The following ZNF568 variants were observed in gnomAD, a reference collection of about 807,000 sequenced individuals.
ZNF568 encodes the protein zinc finger protein 568, also known as p53 inhibitor of SCO2 activation.
In ZNF568, 11 loss-of-function variants were observed where a neutral mutation model predicts 18.1. The ratio of observed to expected loss-of-function variants is 0.61; its 90% CI spans 0.38 to 1.00. ZNF568 has a LOEUF of 1.00. Among genes scored for constraint, ZNF568 ranks in the 50% least tolerant of loss-of-function variants. The pLI is 0.01. For synonymous variants in ZNF568, 213 were observed against 246.6 expected (o/e 0.86, Z 1.28); for missense variants, 639 against 768.2 (o/e 0.83, Z 1.99).
chr19:36,930,038 A>G (rs1431397784), intron 4 of ZNF568, among the ~76,000 whole-genome samples: 1 of 150,960 alleles, frequency 6.6e-6, no homozygotes, highest in Non-Finnish European at 1.5e-5. Context: ...TCGAACCCCT[A>G]TGTTTCTTGC....
intron 3 of ZNF568, among the ~76,000 whole-genome samples, 195 bp downstream of exon 3, chr19:36,923,041 C>A (rs545026521): frequency 1.0e-5 from 1 of 98,330 alleles, no homozygotes; most frequent in Admixed American, 1.0e-4. Flanking sequence ...ATTTTTATTT[C>A]TTAAGAGTAT....
chr19:36,962,621 G>A (rs2074164198), intron 6 of ZNF568, among the ~76,000 whole-genome samples: 1 of 152,112 alleles, frequency 6.6e-6, no homozygotes, highest in Non-Finnish European at 1.5e-5. Context: ...GATAACAGGT[G>A]TGAGCCACCA....
At chr19:36,929,698 A>G (rs551669500) in intron 4 of ZNF568, among the ~76,000 whole-genome samples, 1 of 151,516 alleles carries the variant, frequency 6.6e-6, no homozygotes, top group South Asian at 2.1e-4. Flanking sequence ...AAAAAAAAAA[A>G]AAAAATTAGC....
chr19:36,956,357 A>G (rs1219505780), downstream of ZNF568, among the ~76,000 whole-genome samples: 3 of 152,084 alleles, frequency 2.0e-5, no homozygotes, highest in African/African-American at 7.2e-5. Context: ...GCCTCAGTTT[A>G]GAGCAACTCT....
At chr19:36,944,823 T>C (rs1264589286) in intron 6 of ZNF568, among the ~76,000 whole-genome samples, 1 of 152,136 alleles carries the variant, frequency 6.6e-6, no homozygotes. Flanking sequence ...ATATTACTAA[T>C]AATAAAAAGA....
intron 6 of ZNF568, among the ~76,000 whole-genome samples, chr19:36,948,683 T>TC (rs2074007630): frequency 7.3e-6 from 1 of 137,690 alleles, no homozygotes; most frequent in African/African-American, 2.7e-5. Flanking sequence ...TTTTTTTTTT[T>TC]CAGATTTCCT....
exon 5 of ZNF568, chr19:36,996,337 A>G (rs752041703): frequency 1.1e-4 from 164 of 1,531,224 alleles, no homozygotes; most frequent in Non-Finnish European, 1.4e-4. Context: ...TGGAAGAGAA[A>G]CCAAGAATTT....
chr19:36,917,285 C>T (rs2073358840), intron 1 of ZNF568, among the ~76,000 whole-genome samples: 1 of 152,180 alleles, frequency 6.6e-6, no homozygotes, highest in Non-Finnish European at 1.5e-5. Flanking sequence ...GATGGGTCAC[C>T]AGAGCGCAAG....
chr19:36,997,700 C>A, downstream of ZNF568: 2 of 913,784 alleles, frequency 2.2e-6, no homozygotes, highest in Non-Finnish European at 1.7e-6. Context: ...AGAATTCATT[C>A]AGGACAGAGG....
chr19:36,934,734 T>G (rs939618248), intron 4 of ZNF568, among the ~76,000 whole-genome samples: 4 of 152,232 alleles, frequency 2.6e-5, no homozygotes, highest in Non-Finnish European at 5.9e-5. Flanking sequence ...CCATAAGTTT[T>G]GGTATGTTGC....
At chr19:36,964,849 A>G (rs2074182545) in intron 6 of ZNF568, among the ~76,000 whole-genome samples, 1 of 152,168 alleles carries the variant, frequency 6.6e-6, no homozygotes, top group African/African-American at 2.4e-5. Context: ...GAAAGTCGAT[A>G]CAAGAGGTGG....
chr19:36,997,016 A>G (rs1232307065), exon 5 of ZNF568: 1 of 1,558,230 alleles, frequency 6.4e-7, no homozygotes, highest in East Asian at 2.4e-5. Flanking sequence ...TTTCGACATC[A>G]AAGAATCCAT....
intron 7 of ZNF568, among the ~76,000 whole-genome samples, chr19:36,977,764 G>T (rs1348398321): frequency 6.6e-6 from 1 of 152,144 alleles, no homozygotes; most frequent in Non-Finnish European, 1.5e-5. Context: ...AATATTAATT[G>T]CCCTTTGTCC....
At chr19:36,977,837 G>T (rs10407712) in intron 7 of ZNF568, among the ~76,000 whole-genome samples, 28,364 of 152,162 alleles carry the variant, frequency 0.19, 2,709 homozygotes, top group African/African-American at 0.24. Flanking sequence ...TCTGCCATTT[G>T]CTAGCTCTGT....
At chr19:36,968,010 G>A (rs1568401025) in intron 6 of ZNF568, among the ~76,000 whole-genome samples, 1 of 152,002 alleles carries the variant, frequency 6.6e-6, no homozygotes, top group Non-Finnish European at 1.5e-5. Flanking sequence ...GAAAACCCAG[G>A]AACAAAATAA....
At chr19:36,946,428 TG>T (rs2073965475) in intron 6 of ZNF568, among the ~76,000 whole-genome samples, 1 of 152,036 alleles carries the variant, frequency 6.6e-6, no homozygotes, top group Admixed American at 6.6e-5. Context: ...TATAACTTTT[TG>T]TCACTCCTAG....
At chr19:36,992,065 A>G (rs551400444) in intron 4 of ZNF568, among the ~76,000 whole-genome samples, 1 of 152,070 alleles carries the variant, frequency 6.6e-6, no homozygotes, top group South Asian at 2.1e-4. Context: ...ACATGGTGAA[A>G]CCCCGTCTCT....
chr19:36,932,829 A>G (rs1020310268), intron 4 of ZNF568, among the ~76,000 whole-genome samples: 2 of 152,140 alleles, frequency 1.3e-5, no homozygotes, highest in Non-Finnish European at 2.9e-5. Context: ...TTTTATTAAT[A>G]TATCTTCTTT....
At chr19:36,926,901 A>T (rs1189762633) in intron 4 of ZNF568, among the ~76,000 whole-genome samples, 1 of 152,218 alleles carries the variant, frequency 6.6e-6, no homozygotes, top group African/African-American at 2.4e-5. Context: ...TCAAATCCAT[A>T]CAGTCTGACT....
Sources: allele counts gnomAD v4.1 joint callset (sites outside exome capture counted in the v4.1 genomes callset), GRCh38; gene constraint gnomAD v4.1.1; transcripts MANE v1.5; gene names NCBI Gene and HGNC (gene_info 2026-07-23, HGNC 2026-07-21).